CTNNA3: variants seen among roughly 807,000 people sequenced by gnomAD.
The protein encoded by CTNNA3 is catenin alpha-3.
In CTNNA3, 76 loss-of-function variants were observed where a neutral mutation model predicts 95.7. That is an observed-to-expected ratio of 0.79 (90% CI 0.66 to 0.96). CTNNA3 has a LOEUF of 0.96. Ranked by LOEUF, CTNNA3 falls within the 40% of genes least tolerant of loss-of-function variation. CTNNA3 has a pLI of 0.00. For missense variants in CTNNA3, 1,191 were observed against 1,089.8 expected (o/e 1.09, Z -1.31); for synonymous variants, 431 against 374.4 (o/e 1.15, Z -1.74).
intron 5 of CTNNA3, among the ~76,000 whole-genome samples, chr10:67,477,813 A>G (rs1309628249): frequency 6.6e-6 from 1 of 152,228 alleles, no homozygotes; most frequent in African/African-American, 2.4e-5. Context: ...AGATCACACT[A>G]GCTCTCCAGC....
intron 9 of CTNNA3, among the ~76,000 whole-genome samples, chr10:66,624,819 G>T (rs1049681927): frequency 1.3e-5 from 2 of 152,012 alleles, no homozygotes; most frequent in Non-Finnish European, 2.9e-5. Context: ...ATGGCAGGGC[G>T]ACTATTAACT....
At chr10:67,736,485 T>A (rs1257759824) in intron 1 of CTNNA3, among the ~76,000 whole-genome samples, 1 of 146,396 alleles carries the variant, frequency 6.8e-6, no homozygotes, top group Non-Finnish European at 1.5e-5. Context: ...AGACGGAGTC[T>A]CTCTCTGTCA....
chr10:67,659,806 T>C (rs1048922567), intron 1 of CTNNA3, among the ~76,000 whole-genome samples: 8 of 152,184 alleles, frequency 5.3e-5, no homozygotes, highest in African/African-American at 1.9e-4. Flanking sequence ...GTAAAACAGC[T>C]CAACTGTATA....
At chr10:66,822,242 C>T (rs1411204884) in intron 7 of CTNNA3, among the ~76,000 whole-genome samples, 3 of 151,742 alleles carry the variant, frequency 2.0e-5, no homozygotes. Flanking sequence ...CTACGGATGA[C>T]AAATATTTAA....
chr10:66,821,499 C>A (rs1842302822), intron 7 of CTNNA3, among the ~76,000 whole-genome samples: 1 of 152,060 alleles, frequency 6.6e-6, no homozygotes, highest in South Asian at 2.1e-4. Flanking sequence ...CAAGAATTCA[C>A]CACAGCTGAA....
chr10:67,528,374 A>G (rs768066826), intron 4 of CTNNA3, among the ~76,000 whole-genome samples: 2 of 152,156 alleles, frequency 1.3e-5, no homozygotes, highest in Non-Finnish European at 2.9e-5. Context: ...ACTATAGTTC[A>G]AACTTTGTAA....
intron 12 of CTNNA3, among the ~76,000 whole-genome samples, chr10:66,366,357 A>G (rs1351777547): frequency 6.6e-6 from 1 of 152,196 alleles, no homozygotes; most frequent in African/African-American, 2.4e-5. Flanking sequence ...AGAAAAAACC[A>G]TGATTCAGCA....
At chr10:67,210,707 G>C (rs7090092) in intron 6 of CTNNA3, among the ~76,000 whole-genome samples, 39,906 of 149,870 alleles carry the variant, frequency 0.27, 7,397 homozygotes, top group African/African-American at 0.53. Context: ...TTCTATACAT[G>C]AAATCAACTT....
chr10:67,541,507 T>A (rs528860806), intron 3 of CTNNA3, among the ~76,000 whole-genome samples: 1 of 152,170 alleles, frequency 6.6e-6, no homozygotes, highest in Admixed American at 6.5e-5. Flanking sequence ...TCTAGACACT[T>A]CTGAGATCAA....
chr10:66,437,321 A>G (rs780006919), intron 11 of CTNNA3, among the ~76,000 whole-genome samples: 5 of 152,180 alleles, frequency 3.3e-5, no homozygotes, highest in Non-Finnish European at 5.9e-5. Context: ...ACTTTCAGGT[A>G]CACCAATCAA....
At chr10:66,221,197 T>C (rs1255913904) in intron 13 of CTNNA3, among the ~76,000 whole-genome samples, 3 of 152,180 alleles carry the variant, frequency 2.0e-5, no homozygotes, top group African/African-American at 4.8e-5. Flanking sequence ...ATTAAATAAT[T>C]ACACCAGCTC....
chr10:66,365,456 A>G (rs2092704720), intron 12 of CTNNA3, among the ~76,000 whole-genome samples: 1 of 152,166 alleles, frequency 6.6e-6, no homozygotes, highest in African/African-American at 2.4e-5. Context: ...TGATGAGTGC[A>G]GCAAACCACC....
intron 3 of CTNNA3, among the ~76,000 whole-genome samples, chr10:67,571,712 G>A (rs908042745): frequency 6.6e-6 from 1 of 152,132 alleles, no homozygotes; most frequent in African/African-American, 2.4e-5. Context: ...GGGGGTGAGG[G>A]AAGCAGGAGA....
intron 7 of CTNNA3, among the ~76,000 whole-genome samples, chr10:66,892,758 T>A (rs1845321636): frequency 6.6e-6 from 1 of 152,152 alleles, no homozygotes. Context: ...CGTTATGGAA[T>A]AATTGTGAAA....
intron 4 of CTNNA3, among the ~76,000 whole-genome samples, chr10:67,538,366 G>A (rs536628736): frequency 1.3e-5 from 2 of 152,000 alleles, no homozygotes; most frequent in South Asian, 4.2e-4. Flanking sequence ...ACGAGGTCAG[G>A]AGTTCAAGAC....
chr10:66,293,728 C>T (rs1270999923), intron 12 of CTNNA3, among the ~76,000 whole-genome samples: 3 of 146,590 alleles, frequency 2.0e-5, no homozygotes, highest in East Asian at 2.0e-4. Flanking sequence ...TGCAGTGGTG[C>T]GATCTCGGCT....
chr10:66,444,546 A>G (rs1178024083), intron 11 of CTNNA3, among the ~76,000 whole-genome samples: 3 of 152,210 alleles, frequency 2.0e-5, no homozygotes, highest in African/African-American at 7.2e-5. Context: ...AAGAATTTTC[A>G]ACCCAGAATT....
chr10:67,532,889 C>A (rs955146028), intron 4 of CTNNA3, among the ~76,000 whole-genome samples: 1 of 152,208 alleles, frequency 6.6e-6, no homozygotes, highest in Non-Finnish European at 1.5e-5. Context: ...CCCAAAATCA[C>A]CCAGCTAATC....
At chr10:67,093,563 G>A (rs1349323065) in intron 7 of CTNNA3, among the ~76,000 whole-genome samples, 1 of 151,864 alleles carries the variant, frequency 6.6e-6, no homozygotes, top group African/African-American at 2.4e-5. Context: ...ACAAGGTTGA[G>A]TCAAACAGAT....
Sources: gnomAD v4.1 joint callset for allele counts (sites outside exome capture counted in the v4.1 genomes callset) on GRCh38, gnomAD v4.1.1 for gene constraint, MANE v1.5 for transcripts, NCBI Gene and HGNC (gene_info 2026-07-23, HGNC 2026-07-21) for gene names.